SRGAP1: variants seen among roughly 807,000 people sequenced by gnomAD.
The protein encoded by SRGAP1 is SLIT-ROBO Rho GTPase activating protein 1, also known as SLIT-ROBO Rho GTPase-activating protein 1.
SRGAP1 carries 43 observed loss-of-function variants against 121.9 expected under a neutral mutation model. The observed-to-expected ratio is 0.35, with a 90% CI of 0.28 to 0.46. The LOEUF (loss-of-function observed/expected upper bound fraction) is 0.46, where lower values mean the gene tolerates loss of function less well. Among genes scored for constraint, SRGAP1 ranks in the 20% least tolerant of loss-of-function variants. The pLI is 1.00. For synonymous variants in SRGAP1, 447 were observed against 485.4 expected, an observed-to-expected ratio of 0.92 and a Z score of 1.04; for missense variants, 1,102 against 1,350.9, an observed-to-expected ratio of 0.82 and a Z score of 2.89.
At chr12:63,852,601 C>G (rs980242628) in intron 1 of SRGAP1, among the ~76,000 whole-genome samples, 1 of 152,170 alleles carries the variant, frequency 6.6e-6, no homozygotes, top group Non-Finnish European at 1.5e-5. Flanking sequence ...TGGGCTGCCA[C>G]GTATTTAAGA....
chr12:64,136,222 C>A (rs2036854174), intron 21 of SRGAP1, among the ~76,000 whole-genome samples: 1 of 152,126 alleles, frequency 6.6e-6, no homozygotes, highest in Non-Finnish European at 1.5e-5. Flanking sequence ...AACCATCACA[C>A]TAAGAGTGGT....
chr12:63,969,506 A>T (rs2032879683), intron 1 of SRGAP1, among the ~76,000 whole-genome samples: 1 of 152,136 alleles, frequency 6.6e-6, no homozygotes, highest in Admixed American at 6.5e-5. Context: ...AAAAATCTGA[A>T]ACATCGGCCA....
intron 1 of SRGAP1, among the ~76,000 whole-genome samples, chr12:63,938,653 C>A (rs2031753067): frequency 6.6e-6 from 1 of 151,900 alleles, no homozygotes; most frequent in African/African-American, 2.4e-5. Context: ...GCTATTTGCA[C>A]ACATATGGAA....
intron 1 of SRGAP1, among the ~76,000 whole-genome samples, chr12:63,927,203 CTT>C (rs1464947685): frequency 1.3e-5 from 2 of 152,168 alleles, no homozygotes; most frequent in Non-Finnish European, 2.9e-5. Context: ...GCTTGGAAGA[CTT>C]TGGTTGGTCA....
chr12:63,932,194 T>G (rs918381663), intron 1 of SRGAP1, among the ~76,000 whole-genome samples: 1 of 152,108 alleles, frequency 6.6e-6, no homozygotes, highest in Admixed American at 6.5e-5. Flanking sequence ...GGCAGGAGAA[T>G]GCCGTGAACC....
chr12:63,951,583 T>C (rs1224852597), intron 1 of SRGAP1, among the ~76,000 whole-genome samples: 4 of 152,238 alleles, frequency 2.6e-5, no homozygotes, highest in African/African-American at 9.6e-5. Context: ...TGTACAGTGT[T>C]CTTGTCCCAA....
intron 3 of SRGAP1, 103 bp downstream of exon 3, chr12:63,990,175 T>C (rs2033515395): frequency 1.1e-5 from 9 of 852,430 alleles, no homozygotes; most frequent in Non-Finnish European, 1.5e-5. Flanking sequence ...GAATGAATCC[T>C]TTAGAGACAC....
intron 1 of SRGAP1, chr12:63,871,665 G>A (rs1291627810): frequency 6.2e-6 from 4 of 643,194 alleles, no homozygotes; most frequent in South Asian, 3.8e-5. Flanking sequence ...GAATAGCGCT[G>A]TATTTTCCTA....
At chr12:63,912,823 C>T (rs891461452) in intron 1 of SRGAP1, among the ~76,000 whole-genome samples, 2 of 151,906 alleles carry the variant, frequency 1.3e-5, no homozygotes, top group African/African-American at 2.4e-5. Context: ...AACACTAGGA[C>T]GAGGGTTCAT....
chr12:63,986,437 T>C (rs1431552775), intron 2 of SRGAP1, among the ~76,000 whole-genome samples: 1 of 152,096 alleles, frequency 6.6e-6, no homozygotes, highest in Non-Finnish European at 1.5e-5. Flanking sequence ...ATTTTTTTTT[T>C]TTTTGAGATG....
chr12:64,105,622 A>G lies in SRGAP1; in HGVS notation c.1814-3310A>G, dbSNP rs1044914912. On this transcript the variant is annotated intron_variant, in intron 15 of 21. Transcript: ENST00000355086. ...AACGTGGCAAAATCCCCTCTCTACTAAAAATACAAAAATTAGTCAGGCATG... is the reference window on the plus strand; with the variant it reads ...AACGTGGCAAAATCCCCTCTCTACTGAAAATACAAAAATTAGTCAGGCATG... Among the ~76,000 whole-genome samples the G allele has an allele frequency of 2.0e-5, 3 of 152,072 alleles. No individual in the cohort carries two copies. The East Asian group carries it at 5.8e-4, about 29-fold the overall frequency.
At chr12:64,045,682 G>A (rs2035115870) in intron 6 of SRGAP1, among the ~76,000 whole-genome samples, 1 of 151,910 alleles carries the variant, frequency 6.6e-6, no homozygotes, top group African/African-American at 2.4e-5. Context: ...GATCCACCTG[G>A]CTTAGCTTCC....
At chr12:63,927,374 G>C (rs2031299090) in intron 1 of SRGAP1, among the ~76,000 whole-genome samples, 1 of 152,164 alleles carries the variant, frequency 6.6e-6, no homozygotes, top group South Asian at 2.1e-4. Flanking sequence ...TAGGTACTTG[G>C]TAAGTATCTA....
chr12:64,154,420 G>A lies in SRGAP1; in HGVS notation c.*11748G>A, dbSNP rs2037148135. Reference sequence around the variant, plus strand: ...AATTAAGGAGCAACACAGGAGATGAGGGTGGCTTGGACTAGATAGCCAGGT... The same window carrying A: ...AATTAAGGAGCAACACAGGAGATGAAGGTGGCTTGGACTAGATAGCCAGGT... On this transcript the variant is annotated 3_prime_UTR_variant, in exon 22 of 22. Coordinates refer to ENST00000355086, the MANE Select transcript of SRGAP1 (RefSeq NM_020762.4). 6.6e-6 allele frequency: 1 copy of A among 152,160 alleles called. No individual in the cohort carries two copies. The highest frequency in any genetic ancestry group is 6.5e-5 in the Admixed American group (1 of 15,274). 9.4% of individuals were successfully genotyped at this position (152,160 alleles called of 1,614,324 possible).
chr12:64,066,560 A>G (rs7303379), intron 8 of SRGAP1, among the ~76,000 whole-genome samples: 6,369 of 152,258 alleles, frequency 0.042, 410 homozygotes, highest in African/African-American at 0.14. Flanking sequence ...AATCCCACCA[A>G]GATGTTTGAG....
rs539910776 is a variant in SRGAP1, at chr12:64,152,849, T to C, written c.*10177T>C. Reference sequence around the variant, plus strand: ...ATTAAATCAGGCTCCCTTCCGGGGATCTAGCTGTGAATGAGACACACAGGG... The same window carrying C: ...ATTAAATCAGGCTCCCTTCCGGGGACCTAGCTGTGAATGAGACACACAGGG... On this transcript the variant is annotated 3_prime_UTR_variant, in exon 22 of 22. Coordinates refer to ENST00000355086, the MANE Select transcript of SRGAP1 (RefSeq NM_020762.4). 6.8e-6 allele frequency: 1 copy of C among 148,060 alleles called. No individual in the cohort carries two copies. The highest frequency in any genetic ancestry group is 2.0e-4 in the East Asian group (1 of 4,970). 9.2% of individuals were successfully genotyped at this position (148,060 alleles called of 1,614,324 possible).
intron 15 of SRGAP1, among the ~76,000 whole-genome samples, chr12:64,098,875 TGTCCATGATA>T (rs1371606188): frequency 6.6e-6 from 1 of 152,214 alleles, no homozygotes; most frequent in Non-Finnish European, 1.5e-5. Context: ...TTTCCTCAGC[TGTCCATGATA>T]ACCATTCAAC....
intron 4 of SRGAP1, 77 bp from the exon 5 acceptor site, chr12:64,042,713 C>T (rs1272587145): frequency 2.3e-5 from 26 of 1,155,078 alleles, no homozygotes; most frequent in African/African-American, 9.2e-5. Context: ...GTATCATATA[C>T]GTCGTATAAA....
At chr12:63,921,888 GA>G (rs751569444) in intron 1 of SRGAP1, among the ~76,000 whole-genome samples, 7 of 152,042 alleles carry the variant, frequency 4.6e-5, no homozygotes, top group Non-Finnish European at 8.8e-5. Context: ...AAACTTGCTG[GA>G]AAGAGTCTTA....
Sources: allele counts gnomAD v4.1 joint callset (sites outside exome capture counted in the v4.1 genomes callset), GRCh38; gene constraint gnomAD v4.1.1; transcripts MANE v1.5; gene names NCBI Gene and HGNC (gene_info 2026-07-23, HGNC 2026-07-21).